NCOR2: variants seen among roughly 807,000 people sequenced by gnomAD.
NCOR2 encodes nuclear receptor corepressor 2.
In NCOR2, 81 loss-of-function variants were observed where a neutral mutation model predicts 262.9. The observed-to-expected ratio is 0.31, with a 90% CI of 0.26 to 0.37. The LOEUF (loss-of-function observed/expected upper bound fraction) is 0.37. NCOR2 is among the 10% of genes least tolerant of loss of function. The probability of loss-of-function intolerance (pLI) is 1.00; values close to 1 mark genes in which losing one functional copy is unlikely to be tolerated. For missense variants in NCOR2, 3,385 were observed against 3,621.4 expected (o/e 0.93, Z 1.68); for synonymous variants, 1,659 against 1,559.3 (o/e 1.06, Z -1.51).
rs547216912 is a variant in NCOR2 at position 124,519,478 on chromosome 12, T to C, written c.-118+16087A>G. ...GAGGAAGGCACCCCTGGCAGAAGCA[T>C]GGCAGATGTGAAGGTCTGGAGGCTG... On this transcript the variant is annotated intron_variant, in intron 1 of 46. Transcript: ENST00000404621. Among the ~76,000 whole-genome samples the C allele has an allele frequency of 6.6e-5, 10 of 152,188 alleles. No homozygotes were observed. The South Asian group carries it at 1.9e-3, about 28-fold the overall frequency.
intron 1 of NCOR2, among the ~76,000 whole-genome samples, chr12:124,500,993 G>C (rs1195295523): frequency 6.6e-6 from 1 of 152,060 alleles, no homozygotes; most frequent in Admixed American, 6.5e-5. Flanking sequence ...GGCAGGTGGG[G>C]GAGCCTCGGG....
At chr12:124,379,546 G>A (rs180719154) in intron 17 of NCOR2, among the ~76,000 whole-genome samples, 58 of 152,288 alleles carry the variant, frequency 3.8e-4, no homozygotes, top group Middle Eastern at 3.4e-3. Flanking sequence ...GAAAGACACT[G>A]GGGGGTGCCC....
chr12:124,479,343 CAT>C (rs762320867), intron 3 of NCOR2, among the ~76,000 whole-genome samples: 97 of 151,884 alleles, frequency 6.4e-4, no homozygotes, highest in Middle Eastern at 3.4e-3. Flanking sequence ...CACAAACACA[CAT>C]ACACACGTGC....
At chr12:124,395,366 C>T (rs575493792) in intron 16 of NCOR2, among the ~76,000 whole-genome samples, 1 of 152,290 alleles carries the variant, frequency 6.6e-6, no homozygotes, top group South Asian at 2.1e-4. Flanking sequence ...CTGGAACACA[C>T]AGCCATTAGC....
Position 124,325,379 on chromosome 12 carries a change from C to CCCCG in NCOR2, c.*22_*23insCGGG, listed in dbSNP as rs1555297228. ...GTGGCTCGCTGGGACCTGACACCGC[C>CCCCG]CCCCCCCCCGCCCTGTTCTGAGTCA... is the stretch of plus-strand genomic sequence containing the variant. On this transcript the variant is annotated 3_prime_UTR_variant, in exon 47 of 47. Transcript: ENST00000405201. 7.9e-5 allele frequency: 25 copies of CCCCG among 317,128 alleles called. 1 individual carries two copies. Among genetic ancestry groups the CCCCG allele is most frequent in the Non-Finnish European group, 1.2e-4 (24 of 194,300 alleles). The allele number at this position is 317,128 out of a possible 1,614,324, so 19.6% of individuals were successfully genotyped here. A position where few individuals can be genotyped will look rare whatever the true frequency, so the allele number is the denominator to read the frequency against.
upstream of NCOR2, among the ~76,000 whole-genome samples, chr12:124,497,463 AC>A (rs149400113): frequency 0.021 from 3,206 of 152,226 alleles, 109 homozygotes; most frequent in African/African-American, 0.074. This position sits in a 1 kb window ranked among gnomAD's most constrained non-coding sequence, Gnocchi z 4.2. Flanking sequence ...CCGCGTAGGG[AC>A]TTTTTTATAG....
At chr12:124,403,841 C>A (rs981013415) in intron 13 of NCOR2, among the ~76,000 whole-genome samples, 8 of 152,210 alleles carry the variant, frequency 5.3e-5, no homozygotes, top group Non-Finnish European at 2.9e-5. Flanking sequence ...CTGCAGGCAA[C>A]CGTGGGCTCC....
upstream of NCOR2, among the ~76,000 whole-genome samples, chr12:124,498,500 G>A (rs1161430802): frequency 6.6e-6 from 1 of 152,066 alleles, no homozygotes; most frequent in East Asian, 1.9e-4. Context: ...GTAACCTCGT[G>A]CCACCCTCAC....
intron 22 of NCOR2, among the ~76,000 whole-genome samples, chr12:124,361,789 G>A (rs2038607614): frequency 6.6e-6 from 1 of 152,032 alleles, no homozygotes; most frequent in African/African-American, 2.4e-5. Flanking sequence ...AAAATTTTGA[G>A]AAGTTGCCAG....
At chr12:124,512,799 G>A (rs753480183) in intron 1 of NCOR2, among the ~76,000 whole-genome samples, 1 of 152,172 alleles carries the variant, frequency 6.6e-6, no homozygotes, top group Non-Finnish European at 1.5e-5. Context: ...AGTAGCCGCT[G>A]GGTATTGGCC....
At chr12:124,473,895 A>G (rs528161616) in intron 3 of NCOR2, among the ~76,000 whole-genome samples, 1 of 152,292 alleles carries the variant, frequency 6.6e-6, no homozygotes, top group Non-Finnish European at 1.5e-5. Context: ...CTGTCAGGAC[A>G]GTCCTCACCT....
chr12:124,451,840 C>T (rs938482319), intron 6 of NCOR2, among the ~76,000 whole-genome samples: 9 of 151,478 alleles, frequency 5.9e-5, no homozygotes, highest in African/African-American at 1.9e-4. Flanking sequence ...GCCACCCAGA[C>T]CCCCGCCCAC....
chr12:124,506,555 A>G (rs903312350), intron 1 of NCOR2, among the ~76,000 whole-genome samples: 3 of 145,082 alleles, frequency 2.1e-5, no homozygotes, highest in African/African-American at 7.6e-5. Context: ...CCCTCCCTGC[A>G]CTCCAGGTTC....
chr12:124,340,655 G>C, exon 35 of NCOR2: 1 of 1,503,000 alleles, frequency 6.7e-7, no homozygotes, highest in East Asian at 2.3e-5. Flanking sequence ...GGGCGCGGTG[G>C]GGAGGTAGGC....
chr12:124,503,614 G>A lies in NCOR2; in HGVS notation c.-117-8246C>T, dbSNP rs928239370. Among the ~76,000 whole-genome samples, 3 of 95,490 alleles carry A rather than the reference G, an allele frequency of 3.1e-5. No individual in the cohort carries two copies. Among genetic ancestry groups the A allele is most frequent in the African/African-American group, 8.3e-5 (2 of 24,202 alleles). The allele number at this position is 95,490 out of a possible 152,430, so 62.6% of individuals were successfully genotyped here. A position where few individuals can be genotyped will look rare whatever the true frequency, so the allele number is the denominator to read the frequency against. Reference sequence around the variant, plus strand: ...CGGATGGATGGATGGACGGACGGACGGATGGATGGATGGATGGATGGGCGA... The same window carrying A: ...CGGATGGATGGATGGACGGACGGACAGATGGATGGATGGATGGATGGGCGA... On this transcript the variant is annotated intron_variant, in intron 1 of 46. Coordinates refer to the NCOR2 transcript ENST00000404621. The surrounding 1 kb of genome is among the most constrained non-coding windows in gnomAD (Gnocchi z 4.3).
upstream of NCOR2, among the ~76,000 whole-genome samples, chr12:124,536,919 C>G (rs113484921): frequency 1.3e-5 from 2 of 152,208 alleles, no homozygotes; most frequent in Non-Finnish European, 2.9e-5. Context: ...GACAGGTGAA[C>G]GGATAAACAG....
chr12:124,532,252 GA>G (rs2050838360), intron 1 of NCOR2, among the ~76,000 whole-genome samples: 1 of 151,426 alleles, frequency 6.6e-6, no homozygotes, highest in East Asian at 2.0e-4. Context: ...TTCTTACTCA[GA>G]AAAGGCTGCA....
At chr12:124,408,733 A>G (rs1342148111) in intron 13 of NCOR2, among the ~76,000 whole-genome samples, 2 of 152,224 alleles carry the variant, frequency 1.3e-5, no homozygotes, top group Non-Finnish European at 2.9e-5. Flanking sequence ...TGGGTGACAG[A>G]GCGAGACTCC....
chr12:124,384,809 G>A (rs867889637), intron 17 of NCOR2, among the ~76,000 whole-genome samples: 38 of 152,158 alleles, frequency 2.5e-4, no homozygotes, highest in Non-Finnish European at 4.0e-4. Flanking sequence ...TGGTTTGGGA[G>A]TGGCGGGGGG....
Sources: gnomAD v4.1 joint callset for allele counts (sites outside exome capture counted in the v4.1 genomes callset) on GRCh38, gnomAD v4.1.1 for gene constraint, Gnocchi (gnomAD v3.1) non-coding constraint, MANE v1.5 for transcripts, NCBI Gene and HGNC (gene_info 2026-07-23, HGNC 2026-07-21) for gene names.